Variants in HSD17B12 observed in about 807,000 individuals in gnomAD.
HSD17B12 encodes the protein hydroxysteroid 17-beta dehydrogenase 12, also known as very-long-chain 3-oxoacyl-CoA reductase.
HSD17B12 carries 32 observed loss-of-function variants against 39.3 expected under a neutral mutation model. The ratio of observed to expected loss-of-function variants is 0.81; its 90% CI spans 0.61 to 1.09. The LOEUF (loss-of-function observed/expected upper bound fraction) is 1.09. Among genes scored for constraint, HSD17B12 ranks in the 50% least tolerant of loss-of-function variants. The pLI, the probability that HSD17B12 is intolerant of heterozygous loss-of-function variation, is 0.00. For synonymous variants in HSD17B12, 150 were observed against 146.7 expected (o/e 1.02, Z -0.16); for missense variants, 342 against 382.9 (o/e 0.89, Z 0.89).
chr11:43,741,027 A>G (rs1950359363), intron 1 of HSD17B12, among the ~76,000 whole-genome samples: 1 of 152,182 alleles, frequency 6.6e-6, no homozygotes, highest in Non-Finnish European at 1.5e-5. Flanking sequence ...TTAAGAAACC[A>G]CAAAAAACAA....
At chr11:43,796,060 C>G (rs1950913259) in intron 3 of HSD17B12, among the ~76,000 whole-genome samples, 1 of 152,036 alleles carries the variant, frequency 6.6e-6, no homozygotes, top group African/African-American at 2.4e-5. Context: ...TGTACGTGGA[C>G]AACATTCTGT....
At chr11:43,612,185 T>C in the HSD17B12 span, among the ~76,000 whole-genome samples, 4 of 152,190 alleles carry the variant, frequency 2.6e-5, no homozygotes, top group Non-Finnish European at 5.9e-5. Flanking sequence ...GAAAGCTGTA[T>C]TTATGAAATT....
chr11:43,628,772 T>G, the HSD17B12 span, among the ~76,000 whole-genome samples: 1 of 151,734 alleles, frequency 6.6e-6, no homozygotes, highest in Admixed American at 6.6e-5. Context: ...ACTATACAAT[T>G]TTTATTAAAT....
the HSD17B12 span, among the ~76,000 whole-genome samples, chr11:43,575,470 C>A: frequency 2.6e-5 from 4 of 152,244 alleles, no homozygotes; most frequent in Non-Finnish European, 5.9e-5. The surrounding 1 kb of genome is among the most constrained non-coding windows in gnomAD (Gnocchi z 4.1). Flanking sequence ...GGAGCGTGTG[C>A]ACGGCCGAGT....
At chr11:43,701,569 C>T (rs1229684048) in intron 1 of HSD17B12, among the ~76,000 whole-genome samples, 3 of 152,114 alleles carry the variant, frequency 2.0e-5, no homozygotes, top group Non-Finnish European at 2.9e-5. Context: ...TCCAGTTTTC[C>T]TAGCACCATT....
the HSD17B12 span, among the ~76,000 whole-genome samples, chr11:43,616,821 A>AT: frequency 4.7e-5 from 7 of 150,402 alleles, no homozygotes; most frequent in African/African-American, 1.7e-4. Flanking sequence ...AAAAAAAAAA[A>AT]AATACCCGGG....
chr11:43,641,658 C>T, the HSD17B12 span, among the ~76,000 whole-genome samples: 1 of 151,874 alleles, frequency 6.6e-6, no homozygotes, highest in African/African-American at 2.4e-5. Flanking sequence ...GAACTCTTTT[C>T]AGTGTTTGGT....
At chr11:43,843,575 T>G (rs929697941) in intron 9 of HSD17B12, among the ~76,000 whole-genome samples, 1 of 152,132 alleles carries the variant, frequency 6.6e-6, no homozygotes, top group South Asian at 2.1e-4. Context: ...CAGTGTCTAG[T>G]ACATGCTCTG....
chr11:43,849,485 T>A (rs527309164), intron 9 of HSD17B12, among the ~76,000 whole-genome samples: 8 of 152,288 alleles, frequency 5.3e-5, no homozygotes, highest in African/African-American at 1.9e-4. Flanking sequence ...CTCCTTCCAA[T>A]TCTGGAAACA....
chr11:43,809,802 G>A (rs968982264), intron 4 of HSD17B12, among the ~76,000 whole-genome samples: 7 of 152,142 alleles, frequency 4.6e-5, no homozygotes, highest in Non-Finnish European at 7.4e-5. Flanking sequence ...TGGGCAACAT[G>A]AGCGAAATTC....
chr11:43,666,356 C>T, the HSD17B12 span, among the ~76,000 whole-genome samples: 2 of 152,094 alleles, frequency 1.3e-5, no homozygotes, highest in Non-Finnish European at 2.9e-5. Flanking sequence ...AGGCACACAC[C>T]ACCCCGCCCA....
chr11:43,657,845 C>T, the HSD17B12 span, among the ~76,000 whole-genome samples: 3 of 152,192 alleles, frequency 2.0e-5, no homozygotes, highest in Non-Finnish European at 4.4e-5. Flanking sequence ...TTTTTTCCTT[C>T]ATTTCAACTT....
intron 3 of HSD17B12, among the ~76,000 whole-genome samples, chr11:43,763,614 TA>T (rs1950572202): frequency 6.8e-6 from 1 of 147,414 alleles, no homozygotes; most frequent in Non-Finnish European, 1.5e-5. Context: ...GGTTATCTTA[TA>T]TATATATATA....
At chr11:43,817,082 C>T (rs1590324998) in intron 6 of HSD17B12, among the ~76,000 whole-genome samples, 1 of 147,542 alleles carries the variant, frequency 6.8e-6, no homozygotes, top group African/African-American at 2.5e-5. Flanking sequence ...GTTTGCATTT[C>T]CCTGATCATT....
At chr11:43,607,683 C>T in the HSD17B12 span, among the ~76,000 whole-genome samples, 2 of 152,246 alleles carry the variant, frequency 1.3e-5, no homozygotes, top group South Asian at 2.1e-4. Flanking sequence ...AGGCATATAA[C>T]GGTCATTGTA....
At chr11:43,714,721 G>A (rs1357657164) in intron 1 of HSD17B12, among the ~76,000 whole-genome samples, 2 of 152,148 alleles carry the variant, frequency 1.3e-5, no homozygotes, top group Non-Finnish European at 2.9e-5. Flanking sequence ...GGGCAGAATG[G>A]CCATTTTCAT....
chr11:43,589,559 C>G, the HSD17B12 span, among the ~76,000 whole-genome samples: 3 of 152,154 alleles, frequency 2.0e-5, no homozygotes, highest in Admixed American at 1.3e-4. Flanking sequence ...ATGTACCTTT[C>G]TACATTTCCA....
intron 3 of HSD17B12, among the ~76,000 whole-genome samples, chr11:43,768,762 G>C (rs913231147): frequency 6.6e-6 from 1 of 152,218 alleles, no homozygotes; most frequent in Non-Finnish European, 1.5e-5. Context: ...GGAGACCAGA[G>C]CGGGTTGCCG....
At chr11:43,824,544 A>G (rs1951213924) in intron 6 of HSD17B12, among the ~76,000 whole-genome samples, 1 of 152,176 alleles carries the variant, frequency 6.6e-6, no homozygotes, top group Admixed American at 6.5e-5. Context: ...CCATGTCCTC[A>G]TGTGGCAGAA....
Sources: gnomAD v4.1 joint callset for allele counts (sites outside exome capture counted in the v4.1 genomes callset) on GRCh38, gnomAD v4.1.1 for gene constraint, Gnocchi (gnomAD v3.1) non-coding constraint, MANE v1.5 for transcripts, NCBI Gene and HGNC (gene_info 2026-07-23, HGNC 2026-07-21) for gene names.